The following LSAMP variants were observed in gnomAD, a reference collection of about 807,000 sequenced individuals.
LSAMP encodes the protein limbic system-associated membrane protein.
LSAMP carries 7 observed loss-of-function variants against 38.6 expected under a neutral mutation model. The ratio of observed to expected loss-of-function variants is 0.18; its 90% CI spans 0.10 to 0.34. The LOEUF (loss-of-function observed/expected upper bound fraction) is 0.34. Ranked by LOEUF, LSAMP falls within the 10% of genes least tolerant of loss-of-function variation. The probability of loss-of-function intolerance (pLI) is 1.00; values close to 1 mark genes in which losing one functional copy is unlikely to be tolerated. For synonymous variants in LSAMP, 154 were observed against 166.8 expected (o/e 0.92, Z 0.59); for missense variants, 313 against 420.0 (o/e 0.75, Z 2.23).
intron 1 of LSAMP, among the ~76,000 whole-genome samples, chr3:116,103,249 T>C (rs1483931523): frequency 6.6e-6 from 1 of 152,018 alleles, no homozygotes; most frequent in African/African-American, 2.4e-5. Context: ...GCAGATCACT[T>C]GAGGCCAGGA....
chr3:116,267,059 TC>T (rs1367935551), intron 1 of LSAMP, among the ~76,000 whole-genome samples: 1 of 152,066 alleles, frequency 6.6e-6, no homozygotes, highest in Non-Finnish European at 1.5e-5. Flanking sequence ...CTAACTACTA[TC>T]CCAAAGCAGG....
intron 3 of LSAMP, among the ~76,000 whole-genome samples, chr3:116,013,269 C>A (rs1940384210): frequency 6.6e-6 from 1 of 152,166 alleles, no homozygotes; most frequent in Admixed American, 6.5e-5. Context: ...AAAGGCTGAC[C>A]ATGTCAGTTA....
intron 4 of LSAMP, among the ~76,000 whole-genome samples, chr3:115,843,839 A>G (rs1430470769): frequency 2.6e-5 from 4 of 152,226 alleles, no homozygotes; most frequent in Non-Finnish European, 5.9e-5. Flanking sequence ...ACATTTTTAA[A>G]TCACTGTCAG....
intron 3 of LSAMP, among the ~76,000 whole-genome samples, chr3:115,896,630 G>C (rs1347047694): frequency 2.0e-5 from 3 of 151,996 alleles, no homozygotes; most frequent in Admixed American, 2.0e-4. Context: ...AATCAAAACT[G>C]TGCCTTGCTT....
At chr3:116,081,818 A>T (rs1707879044) in intron 2 of LSAMP, among the ~76,000 whole-genome samples, 1 of 152,228 alleles carries the variant, frequency 6.6e-6, no homozygotes, top group East Asian at 1.9e-4. Context: ...CTTTATTTAG[A>T]AATACATTTT....
At chr3:116,444,366 ATG>A (rs1165037541) in intron 1 of LSAMP, among the ~76,000 whole-genome samples, 5 of 101,070 alleles carry the variant, frequency 4.9e-5, no homozygotes, top group South Asian at 7.1e-4. Flanking sequence ...GTGTGTGTGT[ATG>A]TGTGTGTGTG....
At chr3:116,366,035 A>AAAAG (rs1553727878) in intron 1 of LSAMP, among the ~76,000 whole-genome samples, 18 of 144,718 alleles carry the variant, frequency 1.2e-4, no homozygotes, top group Admixed American at 2.1e-4. Context: ...AAAAAAAAAA[A>AAAAG]AAAAGAACTT....
intron 1 of LSAMP, among the ~76,000 whole-genome samples, chr3:116,343,068 C>T (rs2048018016): frequency 6.6e-6 from 1 of 152,022 alleles, no homozygotes; most frequent in African/African-American, 2.4e-5. Context: ...TGGGTTAGCA[C>T]ACAAAAGTGG....
At chr3:115,915,007 C>A (rs1937217394) in intron 3 of LSAMP, among the ~76,000 whole-genome samples, 1 of 152,122 alleles carries the variant, frequency 6.6e-6, no homozygotes, top group Non-Finnish European at 1.5e-5. Flanking sequence ...TTAGGTACTT[C>A]TTTTATTTTC....
chr3:116,212,860 G>A (rs2046176196), intron 1 of LSAMP, among the ~76,000 whole-genome samples: 1 of 152,070 alleles, frequency 6.6e-6, no homozygotes, highest in Non-Finnish European at 1.5e-5. Context: ...TAGACCACAG[G>A]GAATCTGATT....
chr3:115,833,955 G>T (rs1165513482), intron 6 of LSAMP, among the ~76,000 whole-genome samples: 2 of 152,050 alleles, frequency 1.3e-5, no homozygotes, highest in African/African-American at 4.8e-5. Context: ...TAATTTGAGT[G>T]CATAGAAAGT....
At chr3:115,882,113 G>A (rs1237490966) in intron 3 of LSAMP, among the ~76,000 whole-genome samples, 1 of 152,128 alleles carries the variant, frequency 6.6e-6, no homozygotes, top group Non-Finnish European at 1.5e-5. Context: ...AGGACAAGGT[G>A]AGAGTTTTCC....
At chr3:115,884,983 C>G (rs1305299878) in intron 3 of LSAMP, among the ~76,000 whole-genome samples, 1 of 151,626 alleles carries the variant, frequency 6.6e-6, no homozygotes, top group Non-Finnish European at 1.5e-5. Flanking sequence ...GTACAAAATA[C>G]TAAAAAAGGC....
chr3:116,074,579 G>A (rs374775544), intron 2 of LSAMP, among the ~76,000 whole-genome samples: 1 of 152,074 alleles, frequency 6.6e-6, no homozygotes, highest in South Asian at 2.1e-4. Context: ...TTACCCCAGG[G>A]AAAGTTTCCA....
intron 1 of LSAMP, among the ~76,000 whole-genome samples, chr3:116,228,481 T>A (rs2046366366): frequency 6.6e-6 from 1 of 152,138 alleles, no homozygotes; most frequent in South Asian, 2.1e-4. Flanking sequence ...TTTCCTCATA[T>A]GTAAAATGAG....
rs35112915 is a variant in LSAMP, at chr3:115,869,269, G to GGAGAGAGAGAGAGAGAGAGAGA, written c.515-16674_515-16653dup. Among the ~76,000 whole-genome samples the GGAGAGAGAGAGAGAGAGAGAGA allele has an allele frequency of 3.0e-3, 379 of 128,388 alleles. 4 individuals are homozygous for GGAGAGAGAGAGAGAGAGAGAGA. The highest frequency in any genetic ancestry group is 0.011 in the East Asian group (47 of 4,474). 84.2% of individuals were successfully genotyped at this position (128,388 alleles called of 152,430 possible). ...CCTTCATAACCTCTATCTTGGAGGG[G>GGAGAGAGAGAGAGAGAGAGAGA]GAGAGAGAGAGAGAGAGAGAGAGAG... is the stretch of plus-strand genomic sequence containing the variant. On this transcript the variant is annotated intron_variant, in intron 3 of 6. Coordinates refer to ENST00000490035, the MANE Select transcript of LSAMP (RefSeq NM_002338.5).
At chr3:115,904,851 C>T (rs1936969819) in intron 3 of LSAMP, among the ~76,000 whole-genome samples, 1 of 152,134 alleles carries the variant, frequency 6.6e-6, no homozygotes, top group Non-Finnish European at 1.5e-5. Flanking sequence ...ACTTACATGT[C>T]CTCTGACTTC....
chr3:116,008,036 G>A (rs895113740), intron 3 of LSAMP, among the ~76,000 whole-genome samples: 4 of 152,132 alleles, frequency 2.6e-5, no homozygotes, highest in South Asian at 2.1e-4. Context: ...ATTAGCAAGC[G>A]GAGTGCTTTC....
intron 3 of LSAMP, among the ~76,000 whole-genome samples, chr3:116,006,379 C>T (rs1940161956): frequency 6.6e-6 from 1 of 152,118 alleles, no homozygotes; most frequent in South Asian, 2.1e-4. Context: ...GACTTCTAGC[C>T]TCCAGAACTG....
Sources: gnomAD v4.1 joint callset for allele counts (sites outside exome capture counted in the v4.1 genomes callset) on GRCh38, gnomAD v4.1.1 for gene constraint, MANE v1.5 for transcripts, NCBI Gene and HGNC (gene_info 2026-07-23, HGNC 2026-07-21) for gene names.